The following BPTF variants were observed in gnomAD, a reference collection of about 807,000 sequenced individuals.
BPTF encodes the protein bromodomain PHD finger transcription factor, also known as nucleosome-remodeling factor subunit BPTF.
BPTF carries 18 observed loss-of-function variants against 292.5 expected under a neutral mutation model. The observed-to-expected ratio is 0.06, with a 90% CI of 0.04 to 0.09. BPTF has a LOEUF of 0.09. BPTF is among the 10% of genes least tolerant of loss of function. The probability of loss-of-function intolerance (pLI) is 1.00; values close to 1 mark genes in which losing one functional copy is unlikely to be tolerated. For synonymous variants in BPTF, 1,225 were observed against 1,251.9 expected (o/e 0.98, Z 0.45); for missense variants, 2,726 against 3,498.7 (o/e 0.78, Z 5.57).
intron 1 of BPTF, among the ~76,000 whole-genome samples, chr17:67,848,962 T>A (rs1267520761): frequency 6.6e-6 from 1 of 152,222 alleles, no homozygotes; most frequent in African/African-American, 2.4e-5. Flanking sequence ...GCAGACCACT[T>A]GACTTCCTTA....
intron 1 of BPTF, among the ~76,000 whole-genome samples, 155 bp from the exon 2 acceptor site, chr17:67,853,785 A>C (rs1018298543): frequency 3.3e-5 from 5 of 152,174 alleles, no homozygotes; most frequent in Non-Finnish European, 4.4e-5. Flanking sequence ...AGATTTAAAA[A>C]TTAGAGCTGA....
intron 4 of BPTF, among the ~76,000 whole-genome samples, chr17:67,878,178 C>T (rs1042784429): frequency 5.9e-5 from 9 of 152,048 alleles, no homozygotes; most frequent in African/African-American, 2.2e-4. Context: ...AGCTTTTTTC[C>T]CACCTCAACA....
chr17:67,949,975 A>C (rs2066162004), intron 23 of BPTF, among the ~76,000 whole-genome samples: 1 of 147,314 alleles, frequency 6.8e-6, no homozygotes, highest in Admixed American at 7.2e-5. Flanking sequence ...AATTGCTTGA[A>C]CTAGGAAGGT....
chr17:67,974,793 G>A (rs782801015), intron 26 of BPTF: 1 of 152,272 alleles, frequency 6.6e-6, no homozygotes, highest in Non-Finnish European at 1.5e-5. Flanking sequence ...CACACCACCT[G>A]ACAGTTGCCT....
At chr17:67,889,107 T>C (rs2060936437) in intron 4 of BPTF, among the ~76,000 whole-genome samples, 2 of 152,152 alleles carry the variant, frequency 1.3e-5, no homozygotes, top group Admixed American at 6.5e-5. Flanking sequence ...CATTAAACAG[T>C]GAGCTGCAGA....
intron 2 of BPTF, among the ~76,000 whole-genome samples, chr17:67,859,593 T>C (rs139668259): frequency 8.0e-4 from 122 of 152,334 alleles, no homozygotes; most frequent in African/African-American, 2.8e-3. Flanking sequence ...TATAAGAATA[T>C]TTTCAATACC....
chr17:67,919,173 AAATAAT>A (rs141658141), intron 12 of BPTF, among the ~76,000 whole-genome samples: 11,094 of 135,422 alleles, frequency 0.082, 502 homozygotes, highest in East Asian at 0.18. Context: ...CTCTGTCTCA[AAATAAT>A]AATAATAATA....
At chr17:67,881,864 T>G (rs1055897201) in intron 4 of BPTF, among the ~76,000 whole-genome samples, 11 of 92,618 alleles carry the variant, frequency 1.2e-4, no homozygotes, top group Admixed American at 3.4e-4. Context: ...TTTTGTTTTT[T>G]TTTTTTTTTT....
Position 67,922,842 on chromosome 17 carries a change from A to G in BPTF, c.5560A>G (p.Thr1854Ala). ...PIGVPETPKE[T>A]PTPQRKGLRS... ...ATATTCTGATTTCCTTTCCAAAGAAACGCCTACACCTCAGAGGAAAGGCCT... is the reference window on the plus strand; with the variant it reads ...ATATTCTGATTTCCTTTCCAAAGAAGCGCCTACACCTCAGAGGAAAGGCCT... The change falls in exon 14 of 28, where the codon ACG becomes GCG. Residue 1854 changes from threonine (T) to alanine (A), a missense_variant and splice_region_variant. Around this residue, in one of 22 missense-constraint regions of BPTF, gnomAD observed 198 missense variants for 277.1 expected, o/e 0.71. Coordinates refer to ENST00000306378, the MANE Select transcript of BPTF (RefSeq NM_182641.4). The G allele has an allele frequency of 6.3e-7, 1 of 1,585,550 alleles. No homozygotes were observed. Among genetic ancestry groups the G allele is most frequent in the Non-Finnish European group, 8.5e-7 (1 of 1,172,790 alleles).
At chr17:67,838,615 T>A (rs1567868738) in intron 1 of BPTF, among the ~76,000 whole-genome samples, 2 of 152,228 alleles carry the variant, frequency 1.3e-5, no homozygotes, top group African/African-American at 4.8e-5. Context: ...TAGCTGGGAC[T>A]ACAGGTGCTC....
chr17:67,879,298 C>T (rs1339937528), intron 4 of BPTF, among the ~76,000 whole-genome samples: 7 of 151,942 alleles, frequency 4.6e-5, no homozygotes, highest in Admixed American at 6.5e-5. Flanking sequence ...CCCACCACCA[C>T]GTCTGGCTAA....
intron 9 of BPTF, 95 bp from the exon 10 acceptor site, chr17:67,909,487 G>C (rs1328544618): frequency 1.4e-5 from 11 of 778,510 alleles, no homozygotes; most frequent in African/African-American, 3.6e-5. Flanking sequence ...AACATAACTT[G>C]CTGGAAATTA....
intron 4 of BPTF, among the ~76,000 whole-genome samples, chr17:67,884,719 A>T (rs1018697602): frequency 6.6e-6 from 1 of 152,104 alleles, no homozygotes; most frequent in African/African-American, 2.4e-5. Context: ...CCCAGCCTTC[A>T]TAGGCATTTT....
At chr17:67,961,473 T>C (rs1308559161) in intron 24 of BPTF, among the ~76,000 whole-genome samples, 5 of 151,728 alleles carry the variant, frequency 3.3e-5, no homozygotes, top group African/African-American at 9.6e-5. Flanking sequence ...ACACAGCCTA[T>C]CACCCTGTGG....
intron 1 of BPTF, among the ~76,000 whole-genome samples, chr17:67,848,690 A>G (rs2058205630): frequency 6.6e-6 from 1 of 152,264 alleles, no homozygotes; most frequent in South Asian, 2.1e-4. Flanking sequence ...TCATCCGAAC[A>G]GTTCAGAGAA....
Position 67,918,685 on chromosome 17 carries a change from T to C in BPTF, c.5304-29T>C, listed in dbSNP as rs1320588097. 2.5e-6 allele frequency: 4 copies of C among 1,593,694 alleles called. No homozygotes were observed. The African/African-American group carries it at 4.0e-5, about 16-fold the overall frequency. ...ATGTGTATGTATATACATATAGATA[T>C]ATATGGATTTCTTTGGTTTTCCTTT... On this transcript the variant is annotated intron_variant, in intron 11 of 27. Transcript: ENST00000306378.
intron 23 of BPTF, among the ~76,000 whole-genome samples, chr17:67,948,880 C>T (rs912621330): frequency 1.3e-5 from 2 of 152,312 alleles, no homozygotes; most frequent in East Asian, 3.9e-4. Flanking sequence ...ACTCGAGAGG[C>T]TGAGGCAGGA....
At chr17:67,930,115 CAAAA>C (rs57367735) in intron 17 of BPTF, among the ~76,000 whole-genome samples, 57 of 107,848 alleles carry the variant, frequency 5.3e-4, no homozygotes, top group African/African-American at 1.6e-3. Flanking sequence ...GACCTTGTCT[CAAAA>C]AAAAAAAAAA....
chr17:67,825,558 G>A lies in BPTF; in HGVS notation c.-167G>A, dbSNP rs1166392321. 1 of 430,164 alleles carries A rather than the reference G, an allele frequency of 2.3e-6. No homozygotes were observed. Among genetic ancestry groups the A allele is most frequent in the East Asian group, 1.2e-4 (1 of 8,630 alleles). The allele number at this position is 430,164 out of a possible 1,614,324, so 26.6% of individuals were successfully genotyped here. A position where few individuals can be genotyped will look rare whatever the true frequency, so the allele number is the denominator to read the frequency against. On this transcript the variant is annotated 5_prime_UTR_variant, in exon 1 of 28. Coordinates refer to ENST00000306378, the MANE Select transcript of BPTF (RefSeq NM_182641.4). The stretch of plus-strand genomic sequence containing the variant: ...GGCGGCTGAAGGCGATCCGGAGTGG[G>A]GCCCCAGCAATTCGGATTGAGCCTT...
Sources: allele counts gnomAD v4.1 joint callset (sites outside exome capture counted in the v4.1 genomes callset), GRCh38; gene constraint gnomAD v4.1.1; regional missense constraint gnomAD v4.1.1; transcripts MANE v1.5; gene names NCBI Gene and HGNC (gene_info 2026-07-23, HGNC 2026-07-21).